Variants in PPM1H observed in about 807,000 individuals in gnomAD.
PPM1H encodes protein phosphatase, Mg2+/Mn2+ dependent 1H.
PPM1H carries 27 observed loss-of-function variants against 54.9 expected under a neutral mutation model. The ratio of observed to expected loss-of-function variants is 0.49; its 90% CI spans 0.36 to 0.68. The LOEUF is 0.68. Among genes scored for constraint, PPM1H ranks in the 30% least tolerant of loss-of-function variants. The probability of loss-of-function intolerance (pLI) is 0.00; values close to 1 mark genes in which losing one functional copy is unlikely to be tolerated. For synonymous variants in PPM1H, 305 were observed against 270.8 expected, an observed-to-expected ratio of 1.13 and a Z score of -1.24; for missense variants, 596 against 667.8, an observed-to-expected ratio of 0.89 and a Z score of 1.19.
At chr12:62,665,524 A>G (rs960599186) in intron 9 of PPM1H, among the ~76,000 whole-genome samples, 1 of 152,070 alleles carries the variant, frequency 6.6e-6, no homozygotes, top group African/African-American at 2.4e-5. Flanking sequence ...CTCATTTCAC[A>G]TTGTCTTTTC....
chr12:62,864,239 T>G (rs1006637785), intron 1 of PPM1H, among the ~76,000 whole-genome samples: 3 of 152,182 alleles, frequency 2.0e-5, no homozygotes, highest in Non-Finnish European at 4.4e-5. Flanking sequence ...ACAGGTAAAG[T>G]AAGAAGGTGG....
chr12:62,896,238 A>C (rs974537563), intron 1 of PPM1H, among the ~76,000 whole-genome samples: 1 of 152,204 alleles, frequency 6.6e-6, no homozygotes, highest in African/African-American at 2.4e-5. Context: ...GAAAAGCCAA[A>C]ATAGACAAAT....
At chr12:62,931,200 C>A (rs1015826626) in intron 1 of PPM1H, among the ~76,000 whole-genome samples, 1 of 152,184 alleles carries the variant, frequency 6.6e-6, no homozygotes, top group Non-Finnish European at 1.5e-5. Context: ...AGGCTTGGAA[C>A]GTGACTCACT....
chr12:62,860,140 C>A (rs1345328607), intron 1 of PPM1H, among the ~76,000 whole-genome samples: 2 of 152,098 alleles, frequency 1.3e-5, no homozygotes, highest in African/African-American at 4.8e-5. Context: ...GAAGGAGAAG[C>A]AAATACATCC....
At chr12:62,866,925 C>G (rs2120989430) in intron 1 of PPM1H, among the ~76,000 whole-genome samples, 1 of 152,038 alleles carries the variant, frequency 6.6e-6, no homozygotes, top group African/African-American at 2.4e-5. Context: ...ATTTCTCTAC[C>G]CTGCTCCCTT....
Position 62,879,594 on chromosome 12 carries a change from C to A in PPM1H, c.246-47315G>T, listed in dbSNP as rs553310566. ...ACATGGACACAGGGAGGGGAACATC[C>A]CACACTGGGGCCTGTTGGGGTACGG... is the stretch of plus-strand genomic sequence containing the variant. On this transcript the variant is annotated intron_variant, in intron 1 of 9. Transcript: ENST00000228705. 2.0e-5 allele frequency among the ~76,000 whole-genome samples: 3 copies of A among 151,960 alleles called. No individual in the cohort carries two copies. The South Asian group carries it at 6.2e-4, about 32-fold the overall frequency.
intron 2 of PPM1H, among the ~76,000 whole-genome samples, chr12:62,825,060 AT>A (rs1013514003): frequency 3.8e-4 from 58 of 152,244 alleles, no homozygotes; most frequent in African/African-American, 1.3e-3. Context: ...GAAAAAAAAA[AT>A]CAAAAAGTGG....
At chr12:62,838,181 T>C (rs1436844592) in intron 1 of PPM1H, among the ~76,000 whole-genome samples, 1 of 152,192 alleles carries the variant, frequency 6.6e-6, no homozygotes, top group Admixed American at 6.5e-5. Flanking sequence ...ATCAAAGCCT[T>C]GACAGTTCAG....
chr12:62,663,895 G>T (rs1338187291), intron 9 of PPM1H, among the ~76,000 whole-genome samples: 1 of 152,092 alleles, frequency 6.6e-6, no homozygotes, highest in Non-Finnish European at 1.5e-5. Flanking sequence ...GGAGGCTGAG[G>T]CAGGAGAATT....
chr12:62,695,565 G>T (rs2076110075), intron 6 of PPM1H, among the ~76,000 whole-genome samples: 1 of 152,036 alleles, frequency 6.6e-6, no homozygotes, highest in African/African-American at 2.4e-5. Flanking sequence ...ACACAAAGTG[G>T]AAATAACCAC....
chr12:62,799,248 C>A (rs558453738), intron 3 of PPM1H, among the ~76,000 whole-genome samples: 1 of 152,288 alleles, frequency 6.6e-6, no homozygotes, highest in African/African-American at 2.4e-5. Context: ...TTGTTAAGAG[C>A]AACCCTGAGC....
At chr12:62,740,368 C>T (rs1284901666) in intron 4 of PPM1H, among the ~76,000 whole-genome samples, 1 of 152,178 alleles carries the variant, frequency 6.6e-6, no homozygotes, top group Admixed American at 6.5e-5. Context: ...AACCCTGGCA[C>T]CAGGGATACA....
At chr12:62,682,342 AC>A (rs1166298610) in intron 8 of PPM1H, among the ~76,000 whole-genome samples, 1 of 152,216 alleles carries the variant, frequency 6.6e-6, no homozygotes, top group African/African-American at 2.4e-5. Flanking sequence ...AATGGGCCAG[AC>A]TGTAGAAAGC....
rs2075793516 is a variant in PPM1H, at chr12:62,647,642, C to T, written c.*847G>A. 3 of 152,260 alleles carry T rather than the reference C, an allele frequency of 2.0e-5. No homozygotes were observed. Among genetic ancestry groups the T allele is most frequent in the Admixed American group, 2.0e-4 (3 of 15,286 alleles). 9.4% of individuals were successfully genotyped at this position (152,260 alleles called of 1,614,324 possible). On this transcript the variant is annotated 3_prime_UTR_variant, in exon 10 of 10. Transcript: ENST00000228705. The stretch of plus-strand genomic sequence containing the variant: ...ACCACTGAAGACAACAGAGGAACTA[C>T]TGGTCCACAGAAACACTCAGTTTCA...
At chr12:62,676,018 A>G (rs553736247) in intron 8 of PPM1H, among the ~76,000 whole-genome samples, 1 of 152,358 alleles carries the variant, frequency 6.6e-6, no homozygotes, top group Non-Finnish European at 1.5e-5. Context: ...GGCATGAGCC[A>G]CATGCATTGT....
chr12:62,854,192 T>C (rs1190406486), intron 1 of PPM1H, among the ~76,000 whole-genome samples: 7 of 152,208 alleles, frequency 4.6e-5, no homozygotes, highest in African/African-American at 1.7e-4. Flanking sequence ...ACATTTACTG[T>C]TGAACTCTGA....
chr12:62,705,597 T>C (rs1421596522), intron 6 of PPM1H, among the ~76,000 whole-genome samples: 3 of 152,222 alleles, frequency 2.0e-5, no homozygotes, highest in African/African-American at 7.2e-5. Flanking sequence ...TGAATGACTC[T>C]TAAGGAAATT....
chr12:62,831,970 G>C (rs1396581894), intron 2 of PPM1H, 144 bp downstream of exon 2: 2 of 950,032 alleles, frequency 2.1e-6, no homozygotes, highest in Non-Finnish European at 3.1e-6. Flanking sequence ...ATGTCGTGAC[G>C]ATAGGCCCGC....
chr12:62,832,313 A>G, intron 1 of PPM1H, 34 bp from the exon 2 acceptor site: 1 of 1,575,710 alleles, frequency 6.3e-7, no homozygotes, highest in East Asian at 2.3e-5. Context: ...GGTCAGACAG[A>G]CCGATAAAGC....
Sources: gnomAD v4.1 joint callset for allele counts (sites outside exome capture counted in the v4.1 genomes callset) on GRCh38, gnomAD v4.1.1 for gene constraint, MANE v1.5 for transcripts, NCBI Gene and HGNC (gene_info 2026-07-23, HGNC 2026-07-21) for gene names.